Variants in CADM4 observed in about 807,000 individuals in gnomAD.
The protein encoded by CADM4 is TSLC1-like 2.
Under a neutral mutation model 43.9 loss-of-function variants are expected in CADM4, and 13 were observed. The ratio of observed to expected loss-of-function variants is 0.30; its 90% CI spans 0.19 to 0.47. The LOEUF (loss-of-function observed/expected upper bound fraction) is 0.47, where lower values mean the gene tolerates loss of function less well. CADM4 is among the 20% of genes least tolerant of loss of function. The pLI is 1.00. For missense variants in CADM4, 420 were observed against 527.0 expected (o/e 0.80, Z 1.99); for synonymous variants, 209 against 220.9 (o/e 0.95, Z 0.48).
chr19:43,640,425 G>A (rs971087283), upstream of CADM4, among the ~76,000 whole-genome samples: 7 of 151,676 alleles, frequency 4.6e-5, no homozygotes, highest in African/African-American at 1.7e-4. Flanking sequence ...CTGGAGGTCC[G>A]GAGGGTCCGG....
chr19:43,622,662 G>A lies in CADM4; in HGVS notation c.*668C>T, dbSNP rs540347319. 8.4e-3 allele frequency: 1,285 copies of A among 152,654 alleles called. 18 individuals carry two copies. The highest frequency in any genetic ancestry group is 0.013 in the Non-Finnish European group (913 of 68,054). The allele number at this position is 152,654 out of a possible 1,614,324, so 9.5% of individuals were successfully genotyped here. Reference sequence around the variant, plus strand: ...AGGAGAGATGGGGAAGGCCCCCCCAGGAGTGGGTGGACAGAGAGACAAATA... The same window carrying A: ...AGGAGAGATGGGGAAGGCCCCCCCAAGAGTGGGTGGACAGAGAGACAAATA... On this transcript the variant is annotated 3_prime_UTR_variant, in exon 9 of 9. Transcript: ENST00000222374.
At position 43,627,747 on chromosome 19, in the gene CADM4, C is replaced by T. The variant is rs1973553240; in HGVS notation, c.108G>A (p.Glu36=). The change falls in exon 2 of 9, where the codon GAG becomes GAA. Residue 36 remains glutamate, a synonymous_variant. Coordinates refer to ENST00000222374, the MANE Select transcript of CADM4 (RefSeq NM_145296.2). The surrounding 1 kb of genome is among the most constrained non-coding windows in gnomAD (Gnocchi z 4.0). ...EVQTENVTVA[E]GGVAEITCRL... is the part of the protein sequence containing the mutation. ...GGCAGGTGATCTCAGCCACCCCACCCTCAGCCACTGTCACGTTCTCTGTCT... is the reference window on the plus strand; with the variant it reads ...GGCAGGTGATCTCAGCCACCCCACCTTCAGCCACTGTCACGTTCTCTGTCT... The T allele has an allele frequency of 1.2e-6, 2 of 1,614,096 alleles. No individual in the cohort carries two copies. The highest frequency in any genetic ancestry group is 1.7e-6 in the Non-Finnish European group (2 of 1,179,962).
At chr19:43,635,872 C>T (rs1973696815) in intron 1 of CADM4, among the ~76,000 whole-genome samples, 1 of 148,378 alleles carries the variant, frequency 6.7e-6, no homozygotes, top group Non-Finnish European at 1.5e-5. Context: ...CCCCTCCTCC[C>T]TCAGACTCAG....
Position 43,627,827 on chromosome 19 carries a change from ACTGAGAG to A in CADM4, c.65-44_65-38del. On this transcript the variant is annotated intron_variant, in intron 1 of 8. Coordinates refer to ENST00000222374, the MANE Select transcript of CADM4 (RefSeq NM_145296.2). The surrounding 1 kb of genome is among the most constrained non-coding windows in gnomAD (Gnocchi z 4.0). ...GACAAAGAGACAGGATAGAAGACTT[ACTGAGAG>A]CTGCAATTCAATTTTTTCTTTCTCC... 6.3e-7 allele frequency: 1 copy of A among 1,577,360 alleles called. No individual in the cohort carries two copies. The highest frequency in any genetic ancestry group is 8.7e-7 in the Non-Finnish European group (1 of 1,152,632).
rs1973555338 is a variant in CADM4 at position 43,627,853 on chromosome 19, T to C, written c.65-63A>G. On this transcript the variant is annotated intron_variant, in intron 1 of 8. Coordinates refer to ENST00000222374, the MANE Select transcript of CADM4 (RefSeq NM_145296.2). The surrounding 1 kb of genome is among the most constrained non-coding windows in gnomAD (Gnocchi z 4.0). Reference sequence around the variant, plus strand: ...CTGAGAGCTGCAATTCAATTTTTTCTTTCTCCCTCTTCCCCATCCAAACCT... The same window carrying C: ...CTGAGAGCTGCAATTCAATTTTTTCCTTCTCCCTCTTCCCCATCCAAACCT... The C allele has an allele frequency of 6.6e-7, 1 of 1,518,226 alleles. No individual in the cohort carries two copies. The allele number at this position is 1,518,226 out of a possible 1,614,324, so 94.0% of individuals were successfully genotyped here.
In CADM4 at chr19:43,626,986, G is replaced by A; in HGVS notation, c.365-68C>T. On this transcript the variant is annotated intron_variant, in intron 3 of 8. Transcript: ENST00000222374. This position sits in a 1 kb window ranked among gnomAD's most constrained non-coding sequence, Gnocchi z 5.9. ...AACGTGGGCTCAAAGCGATCGAGCT[G>A]CCTGTTCCCAGCGACCATAGGGAAC... 6.7e-7 allele frequency: 1 copy of A among 1,503,414 alleles called. No individual in the cohort carries two copies. Among genetic ancestry groups the A allele is most frequent in the Non-Finnish European group, 8.9e-7 (1 of 1,123,594 alleles). 93.1% of individuals were successfully genotyped at this position (1,503,414 alleles called of 1,614,324 possible).
intron 1 of CADM4, among the ~76,000 whole-genome samples, chr19:43,633,783 C>T (rs763691341): frequency 1.3e-5 from 2 of 151,548 alleles, no homozygotes; most frequent in African/African-American, 2.4e-5. Flanking sequence ...TGGGCTCAAG[C>T]GATCCTCCCA....
At chr19:43,633,727 C>G (rs945950058) in intron 1 of CADM4, among the ~76,000 whole-genome samples, 19 of 151,618 alleles carry the variant, frequency 1.3e-4, no homozygotes, top group African/African-American at 4.6e-4. Context: ...GTCACCCAGG[C>G]TAGAGTGCAG....
At chr19:43,634,579 T>C (rs1399852116) in intron 1 of CADM4, among the ~76,000 whole-genome samples, 1 of 142,410 alleles carries the variant, frequency 7.0e-6, no homozygotes, top group Non-Finnish European at 1.5e-5. Flanking sequence ...AATATTAATG[T>C]CTCAGCAGCT....
chr19:43,626,240 G>A lies in CADM4; in HGVS notation c.548C>T (p.Thr183Ile). The A allele has an allele frequency of 6.2e-7, 1 of 1,613,276 alleles. No homozygotes were observed. Among genetic ancestry groups the A allele is most frequent in the Non-Finnish European group, 8.5e-7 (1 of 1,180,020 alleles). The change falls in exon 5 of 9, where the codon ACA becomes ATA. Residue 183 changes from threonine (T) to isoleucine (I), a missense_variant. Physicochemically the swap from Thr to Ile is moderately conservative, Grantham distance 89. Transcript: ENST00000222374. The surrounding 1 kb of genome is among the most constrained non-coding windows in gnomAD (Gnocchi z 5.9). The part of the protein sequence containing the change: ...ENGKVWSVAS[T>I]VRFRVDRKDD... ...CTTACGGTCCACACGAAACCGTACT[G>A]TGCTTGCCACGCTCCAGACCTTGCC...
At chr19:43,629,171 C>T (rs923567431) in intron 1 of CADM4, among the ~76,000 whole-genome samples, 4 of 152,160 alleles carry the variant, frequency 2.6e-5, no homozygotes, top group African/African-American at 9.7e-5. Flanking sequence ...ACCCATCTCC[C>T]TCATAATCCT....
Position 43,639,775 on chromosome 19 carries a change from G to A in CADM4, c.16C>T (p.Arg6Cys), listed in dbSNP as rs2146167156. The A allele has an allele frequency of 9.8e-7, 1 of 1,017,676 alleles. No homozygotes were observed. 63.0% of individuals were successfully genotyped at this position (1,017,676 alleles called of 1,614,324 possible). A position where few individuals can be genotyped will look rare whatever the true frequency, so the allele number is the denominator to read the frequency against. ...AGCAGCAGCAGCGGCCACTGGAAGC[G>A]CCGGGCCCGGCCCATGGTGCCGCCG... MGRARRFQWPLLLLWA... is the reference protein window; with the variant it reads MGRARCFQWPLLLLWA... Residue 6 changes from arginine to cysteine, a missense_variant, in exon 1 of 9, where the codon CGC becomes TGC. Coordinates refer to ENST00000222374, the MANE Select transcript of CADM4 (RefSeq NM_145296.2).
chr19:43,641,097 T>C (rs906238207), upstream of CADM4, among the ~76,000 whole-genome samples: 1 of 151,370 alleles, frequency 6.6e-6, no homozygotes, highest in Non-Finnish European at 1.5e-5. Flanking sequence ...GCCTCCCGAG[T>C]AGCTGAGATT....
Position 43,626,288 on chromosome 19 carries a change from C to T in CADM4, c.500G>A (p.Gly167Glu). ...GCCATTTTCCTGGCTGCTGCTCACT[C>T]CTGCCACACCCCGGTCAGACACTGT... ...RWYRDRKELK[G>E]VSSSQENGKV... is the part of the protein sequence containing the mutation. Residue 167 changes from glycine (G) to glutamate (E), a missense_variant and splice_region_variant, in exon 5 of 9, where the codon GGA becomes GAA. Transcript: ENST00000222374. This position sits in a 1 kb window ranked among gnomAD's most constrained non-coding sequence, Gnocchi z 5.9. 6.2e-7 allele frequency: 1 copy of T among 1,610,276 alleles called. No individual in the cohort carries two copies.
chr19:43,626,336 C>A lies in CADM4; in HGVS notation c.500-48G>T. 1 of 1,589,052 alleles carries A rather than the reference C, an allele frequency of 6.3e-7. No individual in the cohort carries two copies. The highest frequency in any genetic ancestry group is 1.7e-5 in the Admixed American group (1 of 59,446). ...TGTCAGGCCACAATTCCGGCTCCATCCACCCACCCACCCGAGCCAACGCCA... is the reference window on the plus strand; with the variant it reads ...TGTCAGGCCACAATTCCGGCTCCATACACCCACCCACCCGAGCCAACGCCA... On this transcript the variant is annotated intron_variant, in intron 4 of 8. Coordinates refer to ENST00000222374, the MANE Select transcript of CADM4 (RefSeq NM_145296.2). The surrounding 1 kb of genome is among the most constrained non-coding windows in gnomAD (Gnocchi z 5.9).
At chr19:43,629,588 A>G (rs1734982970) in intron 1 of CADM4, among the ~76,000 whole-genome samples, 1 of 152,102 alleles carries the variant, frequency 6.6e-6, no homozygotes, top group African/African-American at 2.4e-5. Context: ...TAATCCTCAC[A>G]ATCCCTGTGT....
At chr19:43,632,157 GTTGC>G (rs1347055381) in intron 1 of CADM4, among the ~76,000 whole-genome samples, 1 of 151,950 alleles carries the variant, frequency 6.6e-6, no homozygotes, top group Non-Finnish European at 1.5e-5. Context: ...CATCCACCTG[GTTGC>G]TCAGGTCAAA....
chr19:43,633,749 T>G (rs1973662427), intron 1 of CADM4, among the ~76,000 whole-genome samples: 2 of 151,804 alleles, frequency 1.3e-5, no homozygotes, highest in Admixed American at 1.3e-4. Flanking sequence ...GGTGCAATCA[T>G]GGCTCACTGC....
At chr19:43,632,624 C>T (rs1973642788) in intron 1 of CADM4, among the ~76,000 whole-genome samples, 2 of 152,004 alleles carry the variant, frequency 1.3e-5, no homozygotes, top group Admixed American at 6.6e-5. Flanking sequence ...GGCCTTTTCC[C>T]TTTTCTTCCT....
Sources: allele counts gnomAD v4.1 joint callset (sites outside exome capture counted in the v4.1 genomes callset), GRCh38; gene constraint gnomAD v4.1.1; non-coding constraint Gnocchi (gnomAD v3.1); transcripts MANE v1.5; gene names NCBI Gene and HGNC (gene_info 2026-07-23, HGNC 2026-07-21).